The following DNAH12 variants were observed in gnomAD, a reference collection of about 807,000 sequenced individuals.
The protein encoded by DNAH12 is dynein axonemal heavy chain 12.
Under a neutral mutation model 371.5 loss-of-function variants are expected in DNAH12, and 285 were observed. The ratio of observed to expected loss-of-function variants is 0.77; its 90% CI spans 0.70 to 0.85. The LOEUF is 0.85. Among genes scored for constraint, DNAH12 ranks in the 40% least tolerant of loss-of-function variants. The pLI, the probability that DNAH12 is intolerant of heterozygous loss-of-function variation, is 0.00. For synonymous variants in DNAH12, 1,200 were observed against 1,213.0 expected (o/e 0.99, Z 0.22); for missense variants, 3,611 against 3,689.4 (o/e 0.98, Z 0.55).
At chr3:57,544,439 C>G (rs1478810737), upstream of DNAH12, 1 of 152,174 alleles carries the variant, frequency 6.6e-6, no homozygotes, top group Admixed American at 6.5e-5. Context: ...GAGGCAGTTG[C>G]CAAGCTGCAA....
Position 57,404,946 on chromosome 3 carries a change from G to A in DNAH12, c.6755+23C>T. On this transcript the variant is annotated intron_variant, in intron 42 of 73. Transcript: ENST00000495027. ...AACATTTTACAGATAGCAATTTCAA[G>A]CATCAACACCATATATAGGTACCTA... 2.8e-6 allele frequency: 4 copies of A among 1,445,396 alleles called. No homozygotes were observed. In the South Asian group the frequency reaches 4.7e-5, roughly 17 times the overall value. The allele number at this position is 1,445,396 out of a possible 1,614,324, so 89.5% of individuals were successfully genotyped here.
upstream of DNAH12, chr3:57,548,968 C>T (rs982980476): frequency 6.6e-6 from 1 of 152,012 alleles, no homozygotes; most frequent in Non-Finnish European, 1.5e-5. Flanking sequence ...TTTTATAAAG[C>T]AAAATCCTTC....
chr3:57,371,411 A>C (rs1025153528), intron 55 of DNAH12, among the ~76,000 whole-genome samples: 1 of 152,166 alleles, frequency 6.6e-6, no homozygotes, highest in Admixed American at 6.6e-5. Context: ...TTACTTTAAA[A>C]ATGTATTTGT....
intron 43 of DNAH12, among the ~76,000 whole-genome samples, chr3:57,401,582 AG>A (rs1319638271): frequency 2.0e-3 from 259 of 130,978 alleles, no homozygotes; most frequent in African/African-American, 4.2e-3. Flanking sequence ...AAAAAAAAAA[AG>A]AAGAAGAAGA....
intron 4 of DNAH12, among the ~76,000 whole-genome samples, chr3:57,515,110 G>C (rs2068144363): frequency 6.6e-6 from 1 of 152,136 alleles, no homozygotes. Flanking sequence ...GGAGGTATCA[G>C]TATGAATCCA....
At chr3:57,458,285 A>C in intron 20 of DNAH12, 65 bp from the exon 21 acceptor site, 2 of 1,468,072 alleles carry the variant, frequency 1.4e-6, no homozygotes, top group Non-Finnish European at 1.8e-6. Flanking sequence ...CTTAAATATC[A>C]ATCTATACTA....
At chr3:57,316,757 G>T (rs2061694029) in intron 65 of DNAH12, among the ~76,000 whole-genome samples, 1 of 152,098 alleles carries the variant, frequency 6.6e-6, no homozygotes, top group Non-Finnish European at 1.5e-5. Flanking sequence ...TAAGTGTTTG[G>T]AAGTTCTTCC....
At chr3:57,304,649 G>T (rs551342588) in intron 69 of DNAH12, among the ~76,000 whole-genome samples, 1 of 152,254 alleles carries the variant, frequency 6.6e-6, no homozygotes, top group Non-Finnish European at 1.5e-5. Flanking sequence ...ACACCTGCCT[G>T]ATTATTCACC....
intron 17 of DNAH12, among the ~76,000 whole-genome samples, chr3:57,467,885 T>G (rs1315541741): frequency 6.6e-6 from 1 of 152,086 alleles, no homozygotes; most frequent in Non-Finnish European, 1.5e-5. Context: ...GAGCTAAAGT[T>G]GTGGGAATGA....
chr3:57,468,991 G>GA lies in DNAH12; in HGVS notation c.2106-13dup, dbSNP rs997296817. 1 of 1,512,594 alleles carries GA rather than the reference G, an allele frequency of 6.6e-7. No homozygotes were observed. Among genetic ancestry groups the GA allele is most frequent in the Admixed American group, 2.5e-5 (1 of 39,490 alleles). 93.7% of individuals were successfully genotyped at this position (1,512,594 alleles called of 1,614,324 possible). A position where few individuals can be genotyped will look rare whatever the true frequency, so the allele number is the denominator to read the frequency against. ...CTCCATCCATCCACCTGAATGGAAA[G>GA]AAAAAATATTATTAAACTCAGACTT... On this transcript the variant is annotated splice_polypyrimidine_tract_variant and intron_variant, in intron 16 of 73. Transcript: ENST00000495027.
intron 62 of DNAH12, among the ~76,000 whole-genome samples, chr3:57,332,606 A>G (rs2062125497): frequency 6.6e-6 from 1 of 152,236 alleles, no homozygotes; most frequent in African/African-American, 2.4e-5. Flanking sequence ...TGCAAAAACA[A>G]GAAAAAGACT....
intron 62 of DNAH12, among the ~76,000 whole-genome samples, chr3:57,325,509 G>C (rs1156267533): frequency 6.6e-6 from 1 of 152,144 alleles, no homozygotes; most frequent in Non-Finnish European, 1.5e-5. Context: ...TGCAGCTGAG[G>C]GTCCTGTCTG....
At chr3:57,309,040 T>TTTGAGGGCGG in intron 69 of DNAH12, 111 bp downstream of exon 69, 1 of 740,128 alleles carries the variant, frequency 1.4e-6, no homozygotes, top group Middle Eastern at 4.1e-4. Flanking sequence ...CATTCTCTCT[T>TTTGAGGGCGG]CATACCACCC....
At chr3:57,353,229 A>T (rs2153322871) in intron 59 of DNAH12, among the ~76,000 whole-genome samples, 2 of 152,306 alleles carry the variant, frequency 1.3e-5, no homozygotes, top group East Asian at 3.9e-4. Context: ...TTTTCAGTTT[A>T]ATTTTTAAAT....
chr3:57,507,501 G>T, intron 8 of DNAH12, 142 bp downstream of exon 8: 1 of 640,526 alleles, frequency 1.6e-6, no homozygotes, highest in South Asian at 3.6e-5. Context: ...ATATTTTTCT[G>T]CTAAAATTAT....
chr3:57,387,949 A>C (rs1457805616), intron 45 of DNAH12, among the ~76,000 whole-genome samples: 1 of 151,912 alleles, frequency 6.6e-6, no homozygotes, highest in Non-Finnish European at 1.5e-5. Context: ...TTTTTTTTTC[A>C]TATGACAGTT....
chr3:57,471,875 T>C (rs2066378641), intron 14 of DNAH12, among the ~76,000 whole-genome samples: 1 of 152,200 alleles, frequency 6.6e-6, no homozygotes, highest in Admixed American at 6.5e-5. Flanking sequence ...AAAATTACCA[T>C]TTATTGAGCA....
At chr3:57,518,356 C>A (rs1330380962) in intron 4 of DNAH12, among the ~76,000 whole-genome samples, 1 of 151,976 alleles carries the variant, frequency 6.6e-6, no homozygotes, top group Non-Finnish European at 1.5e-5. Flanking sequence ...GAAACCCTGT[C>A]TCTACTAAAA....
rs757202965 is a variant in DNAH12, at chr3:57,542,805, G to T, written c.66C>A (p.Pro22=). ...CTATGTTTTCTGGGAGATGGACAAT[G>T]GGGGGTAACTTCAAGTTCAGAGCTT... ...EKEALNLKLP[P]IVHLPENIGV... The change falls in exon 2 of 74, where the codon CCC becomes CCA. Residue 22 remains proline, a synonymous_variant. Transcript: ENST00000495027. 6.2e-7 allele frequency: 1 copy of T among 1,608,762 alleles called. No homozygotes were observed. Among genetic ancestry groups the T allele is most frequent in the African/African-American group, 1.3e-5 (1 of 74,404 alleles).
Sources: gnomAD v4.1 joint callset for allele counts (sites outside exome capture counted in the v4.1 genomes callset) on GRCh38, gnomAD v4.1.1 for gene constraint, MANE v1.5 for transcripts, NCBI Gene and HGNC (gene_info 2026-07-23, HGNC 2026-07-21) for gene names.